C10orf90: variants seen among roughly 807,000 people sequenced by gnomAD.
The protein encoded by C10orf90 is (E2-independent) E3 ubiquitin-conjugating enzyme FATS.
C10orf90 carries 56 observed loss-of-function variants against 62.5 expected under a neutral mutation model. That is an observed-to-expected ratio of 0.90 (90% CI 0.72 to 1.12). The LOEUF (loss-of-function observed/expected upper bound fraction) is 1.12. C10orf90 is among the 50% of genes most tolerant of loss of function. The pLI is 0.00. For synonymous variants in C10orf90, 386 were observed against 340.4 expected (o/e 1.13, Z -1.47); for missense variants, 970 against 880.4 (o/e 1.10, Z -1.29).
At chr10:126,463,374 C>G (rs1339219286) in intron 5 of C10orf90, 2 of 152,316 alleles carry the variant, frequency 1.3e-5, no homozygotes, top group Non-Finnish European at 2.9e-5. Context: ...CCCATCTGTC[C>G]TCCACATTGC....
At chr10:126,493,072 G>A (rs975765171) in intron 4 of C10orf90, among the ~76,000 whole-genome samples, 4 of 151,456 alleles carry the variant, frequency 2.6e-5, no homozygotes, top group Admixed American at 6.6e-5. Flanking sequence ...CAGGAAGTTC[G>A]TTCGACAGGT....
chr10:126,544,643 A>G (rs1185423899), intron 2 of C10orf90, among the ~76,000 whole-genome samples: 1 of 152,018 alleles, frequency 6.6e-6, no homozygotes, highest in Non-Finnish European at 1.5e-5. Flanking sequence ...TTAAATGAAT[A>G]TAAAGAGGAA....
Position 126,504,879 on chromosome 10 carries a change from T to C in C10orf90, c.612A>G (p.Leu204=). 4 of 1,614,012 alleles carry C rather than the reference T, an allele frequency of 2.5e-6. No homozygotes were observed. The highest frequency in any genetic ancestry group is 3.4e-6 in the Non-Finnish European group (4 of 1,179,914). Reference sequence around the variant, plus strand: ...GCTCATCTGACGGTGCCGGGATTCCTAATCTGCCCGGAAGTAACGCAAATG... The same window carrying C: ...GCTCATCTGACGGTGCCGGGATTCCCAATCTGCCCGGAAGTAACGCAAATG... ...HRAFALLPGR[L]GIPAPSDERG... Residue 204 remains leucine (L), a synonymous_variant, in exon 4 of 10, where the codon TTA becomes TTG. Transcript: ENST00000488181. This position sits in a 1 kb window ranked among gnomAD's most constrained non-coding sequence, Gnocchi z 4.1.
At chr10:126,500,710 T>C (rs76739748) in intron 4 of C10orf90, among the ~76,000 whole-genome samples, 117 of 152,290 alleles carry the variant, frequency 7.7e-4, no homozygotes, top group African/African-American at 2.7e-3. Flanking sequence ...CAGCCTGAGA[T>C]GAGAGCAGGT....
chr10:126,587,326 T>C lies in C10orf90; in HGVS notation c.313+59239A>G, dbSNP rs192464117. ...GCTGCCATAACGAAACACCACAAAG[T>C]GGTTGCCTTTACCAAGAGAAATTTA... On this transcript the variant is annotated intron_variant, in intron 2 of 9. Coordinates refer to ENST00000488181, the MANE Select transcript of C10orf90 (RefSeq NM_001350921.2). Among the ~76,000 whole-genome samples the C allele has an allele frequency of 2.2e-3, 333 of 152,308 alleles. 2 individuals are homozygous for C. Among genetic ancestry groups the C allele is most frequent in the Middle Eastern group, 0.01 (3 of 294 alleles).
At chr10:126,509,539 A>G (rs1351672350) in intron 3 of C10orf90, among the ~76,000 whole-genome samples, 1 of 152,230 alleles carries the variant, frequency 6.6e-6, no homozygotes, top group Non-Finnish European at 1.5e-5. Flanking sequence ...GAAATGTAGA[A>G]GTCATGTAAT....
Position 126,425,869 on chromosome 10 carries a change from C to T in C10orf90, c.2386G>A (p.Val796Ile), listed in dbSNP as rs753037895. 8.1e-6 allele frequency: 13 copies of T among 1,614,052 alleles called. No homozygotes were observed. In the South Asian group the frequency reaches 1.3e-4, roughly 16 times the overall value. ...GTCAGCAGGGCAGCCTGTGGTTAGA[C>T]CGCATTCCTTTGAAGGAGCTGGTCC... ...LLDQLLQRNAV is the reference protein window; with the variant it reads ...LLDQLLQRNAI Residue 796 changes from valine (V) to isoleucine (I), a missense_variant, in exon 10 of 10, where the codon GTC becomes ATC. Transcript: ENST00000488181.
At chr10:126,609,264 A>T (rs1159109358) in intron 2 of C10orf90, among the ~76,000 whole-genome samples, 1 of 152,260 alleles carries the variant, frequency 6.6e-6, no homozygotes, top group East Asian at 1.9e-4. Context: ...TTAGCCAGGC[A>T]TGGTGGTGGG....
chr10:126,645,979 C>T (rs1253395974), intron 2 of C10orf90, among the ~76,000 whole-genome samples: 3 of 152,090 alleles, frequency 2.0e-5, no homozygotes, highest in East Asian at 3.9e-4. Flanking sequence ...TGGAAATAGT[C>T]GATTAACCCA....
chr10:126,440,667 G>C (rs546002457), intron 7 of C10orf90, among the ~76,000 whole-genome samples: 2 of 152,164 alleles, frequency 1.3e-5, no homozygotes, highest in Admixed American at 1.3e-4. Flanking sequence ...ACTGAAGCAG[G>C]TGCTGGTATC....
intron 2 of C10orf90, among the ~76,000 whole-genome samples, chr10:126,518,029 CT>C (rs1457397710): frequency 6.7e-6 from 1 of 150,100 alleles, no homozygotes; most frequent in Non-Finnish European, 1.5e-5. Context: ...GCTCTTTCCC[CT>C]TCCTTATCAG....
At chr10:126,645,241 C>T (rs1846144293) in intron 2 of C10orf90, among the ~76,000 whole-genome samples, 1 of 145,484 alleles carries the variant, frequency 6.9e-6, no homozygotes, top group South Asian at 2.2e-4. Context: ...TGCACATGTA[C>T]CCTAAAACTT....
chr10:126,616,426 T>C (rs75930641), intron 2 of C10orf90, among the ~76,000 whole-genome samples: 1,654 of 152,280 alleles, frequency 0.011, 16 homozygotes, highest in Non-Finnish European at 0.018. Flanking sequence ...AAAATATGAT[T>C]CTCCCTACCC....
intron 1 of C10orf90, among the ~76,000 whole-genome samples, chr10:126,652,164 C>G (rs1846303797): frequency 6.6e-6 from 1 of 152,212 alleles, no homozygotes; most frequent in Non-Finnish European, 1.5e-5. Flanking sequence ...AACCCTGCAC[C>G]TATAATAACT....
intron 2 of C10orf90, among the ~76,000 whole-genome samples, chr10:126,555,322 T>C (rs776692866): frequency 6.6e-6 from 1 of 152,080 alleles, no homozygotes; most frequent in Non-Finnish European, 1.5e-5. Context: ...AGATCCTGGA[T>C]ACAAAAGAAA....
intron 2 of C10orf90, among the ~76,000 whole-genome samples, chr10:126,565,437 T>TATATATTATAC (rs1564874602): frequency 1.1e-4 from 8 of 72,440 alleles, no homozygotes; most frequent in African/African-American, 4.1e-4. Context: ...ATATATATTA[T>TATATATTATAC]ACACACACAC....
chr10:126,615,586 A>G (rs554933715), intron 2 of C10orf90, among the ~76,000 whole-genome samples: 1 of 152,298 alleles, frequency 6.6e-6, no homozygotes, highest in Non-Finnish European at 1.5e-5. Context: ...TTTATTCTCT[A>G]ATCAAATGGT....
intron 2 of C10orf90, among the ~76,000 whole-genome samples, chr10:126,572,662 G>A (rs757288368): frequency 1.6e-4 from 24 of 152,134 alleles, no homozygotes; most frequent in Non-Finnish European, 2.9e-4. Context: ...CTATCAGCAA[G>A]GTCTTCATGA....
intron 4 of C10orf90, among the ~76,000 whole-genome samples, chr10:126,490,042 ATT>A (rs374117229): frequency 2.3e-5 from 2 of 87,018 alleles, no homozygotes; most frequent in African/African-American, 8.7e-5. Flanking sequence ...TATAATATAT[ATT>A]ATATATTATG....
Sources: allele counts gnomAD v4.1 joint callset (sites outside exome capture counted in the v4.1 genomes callset), GRCh38; gene constraint gnomAD v4.1.1; non-coding constraint Gnocchi (gnomAD v3.1); transcripts MANE v1.5; gene names NCBI Gene and HGNC (gene_info 2026-07-23, HGNC 2026-07-21).